ZUP1: variants seen among roughly 807,000 people sequenced by gnomAD.
ZUP1 encodes the protein zinc finger containing ubiquitin peptidase 1, also known as zinc finger-containing ubiquitin peptidase 1.
Under a neutral mutation model 68.1 loss-of-function variants are expected in ZUP1, and 55 were observed. The ratio of observed to expected loss-of-function variants is 0.81; its 90% CI spans 0.65 to 1.01. The LOEUF (loss-of-function observed/expected upper bound fraction) is 1.01, where lower values mean the gene tolerates loss of function less well. Ranked by LOEUF, ZUP1 falls within the 50% of genes least tolerant of loss-of-function variation. The pLI, the probability that ZUP1 is intolerant of heterozygous loss-of-function variation, is 0.00. For missense variants in ZUP1, 684 were observed against 674.9 expected (o/e 1.01, Z -0.15); for synonymous variants, 223 against 221.5 (o/e 1.01, Z -0.06).
intron 7 of ZUP1, among the ~76,000 whole-genome samples, chr6:116,648,555 G>A (rs6924915): frequency 0.36 from 55,097 of 151,604 alleles, 10,594 homozygotes; most frequent in African/African-American, 0.5. Context: ...TACCCTACAG[G>A]ATATAACTCA....
At chr6:116,639,214 C>A (rs1776008620) in intron 9 of ZUP1, among the ~76,000 whole-genome samples, 1 of 152,248 alleles carries the variant, frequency 6.6e-6, no homozygotes, top group Non-Finnish European at 1.5e-5. Flanking sequence ...CCCACCACAG[C>A]TCAAGGAGGC....
intron 1 of ZUP1, among the ~76,000 whole-genome samples, chr6:116,667,423 G>A (rs1322021355): frequency 6.6e-6 from 1 of 151,010 alleles, no homozygotes; most frequent in Non-Finnish European, 1.5e-5. Flanking sequence ...ATGAATACAA[G>A]TAATTTTAAA....
In ZUP1 at chr6:116,666,614, T is replaced by C. The variant is rs200614002; in HGVS notation, c.559+20A>G. 4.0e-4 allele frequency: 614 copies of C among 1,523,460 alleles called. 3 individuals carry two copies. Among genetic ancestry groups the C allele is most frequent in the East Asian group, 1.6e-3 (71 of 43,980 alleles). 94.4% of individuals were successfully genotyped at this position (1,523,460 alleles called of 1,614,324 possible). A position where few individuals can be genotyped will look rare whatever the true frequency, so the allele number is the denominator to read the frequency against. On this transcript the variant is annotated intron_variant, in intron 2 of 9. Coordinates refer to ENST00000368576, the MANE Select transcript of ZUP1 (RefSeq NM_145062.3). ...ATTGAGGCTGTAAACTTATAATTTATAATGAAATGAAAACTTTACCTTCCA... is the reference window on the plus strand; with the variant it reads ...ATTGAGGCTGTAAACTTATAATTTACAATGAAATGAAAACTTTACCTTCCA...
chr6:116,656,876 C>G, intron 4 of ZUP1, 24 bp from the exon 5 acceptor site: 1 of 1,499,806 alleles, frequency 6.7e-7, no homozygotes, highest in Non-Finnish European at 9.0e-7. Context: ...AAATAAATGA[C>G]TTAATTTTTA....
chr6:116,660,768 T>G lies in ZUP1; in HGVS notation c.638A>C (p.Asp213Ala). The G allele has an allele frequency of 2.5e-6, 4 of 1,607,810 alleles. No individual in the cohort carries two copies. Among genetic ancestry groups the G allele is most frequent in the Non-Finnish European group, 3.4e-6 (4 of 1,176,508 alleles). Residue 213 changes from aspartate (D) to alanine (A), a missense_variant, in exon 3 of 10, where the codon GAC (aspartate) becomes GCC (alanine). Asp to Ala is a moderately radical substitution (Grantham distance 126). Coordinates refer to ENST00000368576, the MANE Select transcript of ZUP1 (RefSeq NM_145062.3). The stretch of plus-strand genomic sequence containing the variant: ...AAAGCTGTTTTCTTCCAAATGCAAG[T>G]CAACATGTTCCTGAAGAATATGGTA... ...TNYHILQEHV[D>A]LHLEENSFQQ...
intron 4 of ZUP1, 25 bp from the exon 5 acceptor site, chr6:116,656,877 T>C: frequency 6.6e-7 from 1 of 1,503,956 alleles, no homozygotes; most frequent in Non-Finnish European, 9.0e-7. Flanking sequence ...AATAAATGAC[T>C]TAATTTTTAC....
intron 9 of ZUP1, 104 bp from the exon 10 acceptor site, chr6:116,635,983 G>T: frequency 1.4e-6 from 1 of 733,734 alleles, no homozygotes; most frequent in Non-Finnish European, 2.0e-6. Flanking sequence ...TTTTTTTCAA[G>T]ATAATAATGA....
rs531921655 is a variant in ZUP1 at position 116,641,329 on chromosome 6, C to A, written c.1689+4385G>T. ...CCCAGGAATTGAACTAAGCTCTGCA[C>A]CAAGCGGACCTAATAGACATCTACA... On this transcript the variant is annotated intron_variant, in intron 9 of 9. Transcript: ENST00000368576. 4.6e-5 allele frequency among the ~76,000 whole-genome samples: 7 copies of A among 152,262 alleles called. 1 individual carries two copies. In the East Asian group the frequency reaches 1.3e-3, roughly 29 times the overall value.
chr6:116,661,909 T>C (rs1776854959), intron 2 of ZUP1, among the ~76,000 whole-genome samples: 2 of 152,192 alleles, frequency 1.3e-5, no homozygotes, highest in Admixed American at 1.3e-4. Context: ...CTGAAAAAGT[T>C]ACCTGTGAAG....
In ZUP1 at chr6:116,647,623, G is replaced by T; in HGVS notation, c.1317-13C>A. The T allele has an allele frequency of 6.7e-7, 1 of 1,495,126 alleles. No individual in the cohort carries two copies. The allele number at this position is 1,495,126 out of a possible 1,614,324, so 92.6% of individuals were successfully genotyped here. On this transcript the variant is annotated splice_polypyrimidine_tract_variant and intron_variant, in intron 7 of 9. Transcript: ENST00000368576. ...AACAATATGACACCTATTAAAAATT[G>T]ACAAAATGCACATTTAAAGGGCATT...
In ZUP1 at chr6:116,645,730, G is replaced by C. The variant is rs1349215344; in HGVS notation, c.1673C>G (p.Ser558Cys). 6.2e-7 allele frequency: 1 copy of C among 1,610,842 alleles called. No homozygotes were observed. The highest frequency in any genetic ancestry group is 8.5e-7 in the Non-Finnish European group (1 of 1,179,130). Reference sequence around the variant, plus strand: ...GATACTTACAAGTTTCTCCTCTAGAGAAAGAGCACCCTCTACTGCCAATAT... The same window carrying C: ...GATACTTACAAGTTTCTCCTCTAGACAAAGAGCACCCTCTACTGCCAATAT... ...YQILAVEGAL[S>C]LEEKLARRQA... is the part of the protein sequence containing the mutation. The change falls in exon 9 of 10, where the codon TCT (serine) becomes TGT (cysteine). Residue 558 changes from serine (S) to cysteine (C), a missense_variant. Physicochemically the swap from Ser to Cys is moderately radical, Grantham distance 112. Transcript: ENST00000368576.
chr6:116,640,501 T>C lies in ZUP1; in HGVS notation c.1690-4622A>G, dbSNP rs1240982607. On this transcript the variant is annotated intron_variant, in intron 9 of 9. Coordinates refer to ENST00000368576, the MANE Select transcript of ZUP1 (RefSeq NM_145062.3). ...TAACAGCGGATCTCTCAGCAGAAACTCTACAAGCCAGAAGAGAGTGGGGGC... is the reference window on the plus strand; with the variant it reads ...TAACAGCGGATCTCTCAGCAGAAACCCTACAAGCCAGAAGAGAGTGGGGGC... Among the ~76,000 whole-genome samples, 396 of 151,772 alleles carry C rather than the reference T, an allele frequency of 2.6e-3. 4 individuals are homozygous for C. Among genetic ancestry groups the C allele is most frequent in the African/African-American group, 8.9e-3 (370 of 41,414 alleles).
Position 116,652,051 on chromosome 6 carries a change from A to G in ZUP1, c.1103T>C (p.Leu368Pro). The change falls in exon 6 of 10, where the codon CTA (leucine) becomes CCA (proline). Residue 368 changes from leucine to proline, a missense_variant. Leu to Pro is a moderately conservative substitution (Grantham distance 98). Transcript: ENST00000368576. The part of the protein sequence containing the change: ...WGCGYRNFQM[L>P]LSSLLQNDAY... ...ATCATTTTGTAATAATGATGAAAGT[A>G]GCATTTGGAAATTTCTGTAACCACA... The G allele has an allele frequency of 6.2e-7, 1 of 1,614,036 alleles. No individual in the cohort carries two copies. The highest frequency in any genetic ancestry group is 1.1e-5 in the South Asian group (1 of 91,084).
intron 9 of ZUP1, among the ~76,000 whole-genome samples, chr6:116,642,296 G>C (rs199698498): frequency 1.3e-5 from 2 of 152,144 alleles, no homozygotes; most frequent in South Asian, 2.1e-4. Context: ...AAACTATTCC[G>C]ATCAATAGAA....
At position 116,668,029 on chromosome 6, in the gene ZUP1, A is replaced by T. The variant is rs569339212; in HGVS notation, c.-16+537T>A. Among the ~76,000 whole-genome samples the T allele has an allele frequency of 3.9e-5, 6 of 152,288 alleles. No homozygotes were observed. The East Asian group carries it at 5.8e-4, about 15-fold the overall frequency. On this transcript the variant is annotated intron_variant, in intron 1 of 9. Coordinates refer to ENST00000368576, the MANE Select transcript of ZUP1 (RefSeq NM_145062.3). ...ATAAAAGTGTTAAAAAAATAATTTT[A>T]AAAAAAGCAATCACTTCGCCACCAC... is the stretch of plus-strand genomic sequence containing the variant.
intron 2 of ZUP1, among the ~76,000 whole-genome samples, chr6:116,666,407 A>G (rs1263511808): frequency 6.6e-6 from 1 of 152,246 alleles, no homozygotes; most frequent in Non-Finnish European, 1.5e-5. Flanking sequence ...ACTAGACAGA[A>G]AGTTCCAAAA....
In ZUP1 at chr6:116,656,673, TA is replaced by T. The variant is rs777677145; in HGVS notation, c.961+10del. On this transcript the variant is annotated intron_variant, in intron 5 of 9. Transcript: ENST00000368576. The stretch of plus-strand genomic sequence containing the variant: ...ATATTAAAACAATGACTCTGATGTT[TA>T]AATACTCACCGGAAGTTTTTGTTTT... 5.3e-5 allele frequency: 85 copies of T among 1,604,224 alleles called. No homozygotes were observed. The highest frequency in any genetic ancestry group is 4.0e-5 in the Non-Finnish European group (47 of 1,176,346).
chr6:116,640,566 G>C (rs1417615591), intron 9 of ZUP1, among the ~76,000 whole-genome samples: 1 of 151,920 alleles, frequency 6.6e-6, no homozygotes, highest in Non-Finnish European at 1.5e-5. Context: ...TTTCAACCCA[G>C]AATTTCATAT....
At chr6:116,655,917 T>C (rs537160950) in intron 5 of ZUP1, among the ~76,000 whole-genome samples, 1 of 152,344 alleles carries the variant, frequency 6.6e-6, no homozygotes, top group East Asian at 1.9e-4. Flanking sequence ...AGTTGTGCTG[T>C]GAAGTAGAAA....
Sources: allele counts gnomAD v4.1 joint callset (sites outside exome capture counted in the v4.1 genomes callset), GRCh38; gene constraint gnomAD v4.1.1; transcripts MANE v1.5; gene names NCBI Gene and HGNC (gene_info 2026-07-23, HGNC 2026-07-21).